The following PTPRO variants were observed in gnomAD, a reference collection of about 807,000 sequenced individuals.
PTPRO encodes the protein protein tyrosine phosphatase receptor type O.
In PTPRO, 62 loss-of-function variants were observed where a neutral mutation model predicts 145.2. The observed-to-expected ratio is 0.43, with a 90% CI of 0.35 to 0.53. The LOEUF is 0.53. PTPRO is among the 20% of genes least tolerant of loss of function. The pLI, the probability that PTPRO is intolerant of heterozygous loss-of-function variation, is 0.01. For synonymous variants in PTPRO, 565 were observed against 514.7 expected (o/e 1.10, Z -1.32); for missense variants, 1,345 against 1,482.7 (o/e 0.91, Z 1.53).
intron 1 of PTPRO, among the ~76,000 whole-genome samples, chr12:15,397,184 T>G (rs2054482820): frequency 6.6e-6 from 1 of 152,206 alleles, no homozygotes; most frequent in South Asian, 2.1e-4. Context: ...TATATTTGCT[T>G]TCCTTAGCCA....
chr12:15,557,582 A>G (rs1444516362), intron 16 of PTPRO, 59 bp downstream of exon 16: 12 of 1,510,576 alleles, frequency 7.9e-6, no homozygotes, highest in Non-Finnish European at 1.1e-5. Context: ...TGTGCTCCAA[A>G]GTCGATTTTA....
chr12:15,519,079 G>C (rs981523925), intron 9 of PTPRO, among the ~76,000 whole-genome samples: 8 of 152,188 alleles, frequency 5.3e-5, no homozygotes, highest in Non-Finnish European at 1.0e-4. Context: ...ACAAAAGAAG[G>C]AGGTTTAATT....
At chr12:15,324,590 T>C (rs540852221) in intron 1 of PTPRO, among the ~76,000 whole-genome samples, 2 of 152,290 alleles carry the variant, frequency 1.3e-5, no homozygotes, top group South Asian at 4.1e-4. Flanking sequence ...ATTGGCAAAG[T>C]TTGCCATTTA....
At chr12:15,393,556 G>A (rs755763677) in intron 1 of PTPRO, among the ~76,000 whole-genome samples, 6 of 151,944 alleles carry the variant, frequency 3.9e-5, no homozygotes, top group East Asian at 3.9e-4. Flanking sequence ...ATCATGTCAG[G>A]TCAGGAATTA....
intron 1 of PTPRO, among the ~76,000 whole-genome samples, chr12:15,352,001 A>G (rs1409489444): frequency 2.0e-5 from 3 of 152,232 alleles, no homozygotes; most frequent in South Asian, 4.1e-4. Flanking sequence ...ATGCAAACAC[A>G]TAATGTCTCC....
intron 2 of PTPRO, among the ~76,000 whole-genome samples, chr12:15,486,256 T>C (rs1941883364): frequency 6.6e-6 from 1 of 152,232 alleles, no homozygotes; most frequent in South Asian, 2.1e-4. Flanking sequence ...TTGCTATGTC[T>C]TCTTGATAAA....
chr12:15,423,174 C>T (rs1347736952), intron 1 of PTPRO, among the ~76,000 whole-genome samples: 2 of 152,154 alleles, frequency 1.3e-5, no homozygotes, highest in Admixed American at 6.5e-5. Flanking sequence ...TGAGCCCTGA[C>T]CTACTTCTCA....
intron 1 of PTPRO, among the ~76,000 whole-genome samples, chr12:15,343,927 G>A (rs989922133): frequency 1.4e-4 from 21 of 152,162 alleles, no homozygotes; most frequent in African/African-American, 4.6e-4. Flanking sequence ...CTCGTGATCC[G>A]CCCGCCTCGG....
At chr12:15,403,192 T>C (rs1939547762) in intron 1 of PTPRO, among the ~76,000 whole-genome samples, 1 of 152,202 alleles carries the variant, frequency 6.6e-6, no homozygotes, top group Non-Finnish European at 1.5e-5. Context: ...CTTGCCACAC[T>C]ACCCTTTGAC....
At chr12:15,557,574 T>C in intron 16 of PTPRO, 51 bp downstream of exon 16, 1 of 1,540,360 alleles carries the variant, frequency 6.5e-7, no homozygotes, top group Non-Finnish European at 9.0e-7. Context: ...ATGCTGTGTG[T>C]GCTCCAAAGT....
At position 15,589,379 on chromosome 12, in the gene PTPRO, GAA is replaced by G. The variant is rs34222753; in HGVS notation, c.3411-64_3411-63del. On this transcript the variant is annotated intron_variant, in intron 24 of 26. Transcript: ENST00000281171. ...CAACAGAGCAAGACTCCATCTCAAAGAAAAAAAAAAAAAGAGGGGGGAGAAAA... is the reference window on the plus strand; with the variant it reads ...CAACAGAGCAAGACTCCATCTCAAAGAAAAAAAAAAAGAGGGGGGAGAAAA... The G allele has an allele frequency of 0.05, 58,138 of 1,165,576 alleles. 1,433 individuals are homozygous for G. Among genetic ancestry groups the G allele is most frequent in the African/African-American group, 0.24 (16,238 of 67,706 alleles). The allele number at this position is 1,165,576 out of a possible 1,614,324, so 72.2% of individuals were successfully genotyped here.
intron 1 of PTPRO, among the ~76,000 whole-genome samples, chr12:15,458,724 G>C (rs893457124): frequency 2.6e-5 from 4 of 151,246 alleles, no homozygotes; most frequent in African/African-American, 9.7e-5. Context: ...CTATTTCTTT[G>C]TTGAAATTCT....
At chr12:15,323,021 G>C (rs1373772881) in intron 1 of PTPRO, among the ~76,000 whole-genome samples, 1 of 152,216 alleles carries the variant, frequency 6.6e-6, no homozygotes, top group Non-Finnish European at 1.5e-5. Flanking sequence ...AGGGAAGTTT[G>C]CTCCCTCCGG....
At chr12:15,574,061 A>G (rs577641359) in intron 19 of PTPRO, among the ~76,000 whole-genome samples, 285 of 152,328 alleles carry the variant, frequency 1.9e-3, no homozygotes, top group African/African-American at 6.4e-3. Flanking sequence ...TGACATTGAA[A>G]TATCACATTC....
intron 19 of PTPRO, among the ~76,000 whole-genome samples, chr12:15,571,454 A>G (rs1944047686): frequency 1.3e-5 from 2 of 152,054 alleles, no homozygotes; most frequent in African/African-American, 4.8e-5. Context: ...TGCCCGGCTA[A>G]CTTTTGTATT....
chr12:15,537,964 T>C (rs867452321), intron 12 of PTPRO, among the ~76,000 whole-genome samples: 3 of 152,310 alleles, frequency 2.0e-5, no homozygotes, highest in Non-Finnish European at 2.9e-5. Context: ...GATTGACTTC[T>C]TGTAAGATAA....
chr12:15,422,040 A>T (rs1363274665), intron 1 of PTPRO, among the ~76,000 whole-genome samples: 1 of 152,206 alleles, frequency 6.6e-6, no homozygotes. Context: ...TAAAGAAAAA[A>T]AAAAGAATGA....
At chr12:15,516,135 T>C (rs1193392338) in intron 8 of PTPRO, among the ~76,000 whole-genome samples, 2 of 150,928 alleles carry the variant, frequency 1.3e-5, no homozygotes, top group Admixed American at 6.6e-5. Flanking sequence ...GGACTACAGG[T>C]ACATGCCACC....
chr12:15,451,102 T>A (rs1941034405), intron 1 of PTPRO, among the ~76,000 whole-genome samples: 1 of 151,666 alleles, frequency 6.6e-6, no homozygotes, highest in South Asian at 2.1e-4. Flanking sequence ...ACCTAACACA[T>A]AAGGACTCAC....
Sources: gnomAD v4.1 joint callset for allele counts (sites outside exome capture counted in the v4.1 genomes callset) on GRCh38, gnomAD v4.1.1 for gene constraint, MANE v1.5 for transcripts, NCBI Gene and HGNC (gene_info 2026-07-23, HGNC 2026-07-21) for gene names.